The following TTLL5 variants were observed in gnomAD, a reference collection of about 807,000 sequenced individuals.
The protein encoded by TTLL5 is tubulin tyrosine ligase like 5, also known as tubulin polyglutamylase TTLL5.
Under a neutral mutation model 168.4 loss-of-function variants are expected in TTLL5, and 132 were observed. That is an observed-to-expected ratio of 0.78 (90% CI 0.68 to 0.91). The LOEUF (loss-of-function observed/expected upper bound fraction) is 0.91, where lower values mean the gene tolerates loss of function less well. Among genes scored for constraint, TTLL5 ranks in the 40% least tolerant of loss-of-function variants. TTLL5 has a pLI of 0.00. For missense variants in TTLL5, 1,545 were observed against 1,581.5 expected (o/e 0.98, Z 0.39); for synonymous variants, 546 against 558.6 (o/e 0.98, Z 0.32).
chr14:75,882,964 T>G lies in TTLL5; in HGVS notation c.3740+62T>G, dbSNP rs1338244586. The G allele has an allele frequency of 4.6e-6, 7 of 1,531,332 alleles. No homozygotes were observed. The East Asian group carries it at 1.6e-4, about 35-fold the overall frequency. The allele number at this position is 1,531,332 out of a possible 1,614,324, so 94.9% of individuals were successfully genotyped here. On this transcript the variant is annotated intron_variant, in intron 30 of 31. Coordinates refer to ENST00000298832, the MANE Select transcript of TTLL5 (RefSeq NM_015072.5). The stretch of plus-strand genomic sequence containing the variant: ...TCAGTTCTAAGCTAATAGTACTCTT[T>G]ATTTATTACTCTTCAAGACCGTTCG...
chr14:75,844,151 G>A (rs990054883), intron 28 of TTLL5, among the ~76,000 whole-genome samples: 1 of 152,056 alleles, frequency 6.6e-6, no homozygotes, highest in African/African-American at 2.4e-5. Context: ...AAAGTGCTGG[G>A]ATTACAGACG....
chr14:75,787,447 C>T (rs1255886045), intron 26 of TTLL5, among the ~76,000 whole-genome samples: 5 of 152,064 alleles, frequency 3.3e-5, no homozygotes, highest in Non-Finnish European at 4.4e-5. Flanking sequence ...TCAGTTCAGT[C>T]AAAAGTTAAA....
At chr14:75,836,286 G>A (rs979797054) in intron 28 of TTLL5, among the ~76,000 whole-genome samples, 1 of 152,056 alleles carries the variant, frequency 6.6e-6, no homozygotes, top group Admixed American at 6.6e-5. Flanking sequence ...GATAAGCCAG[G>A]CACAGAAAGA....
At chr14:75,836,847 A>G (rs545823656) in intron 28 of TTLL5, among the ~76,000 whole-genome samples, 4 of 152,206 alleles carry the variant, frequency 2.6e-5, no homozygotes, top group African/African-American at 9.6e-5. Flanking sequence ...CCAGTGATAG[A>G]CCATCATGAA....
intron 28 of TTLL5, among the ~76,000 whole-genome samples, chr14:75,851,789 G>A (rs1027927891): frequency 1.2e-4 from 18 of 152,142 alleles, no homozygotes; most frequent in Admixed American, 1.2e-3. Context: ...TTATCACCCA[G>A]GTGATCTCAC....
chr14:75,754,580 A>G (rs751884647), intron 18 of TTLL5, among the ~76,000 whole-genome samples: 36 of 152,226 alleles, frequency 2.4e-4, no homozygotes, highest in Non-Finnish European at 3.4e-4. Context: ...ATTAGCCAAA[A>G]TGAGGAAGTA....
rs572347539 is a variant in TTLL5, at chr14:75,706,584, A to G, written c.586-434A>G. 7.9e-5 allele frequency among the ~76,000 whole-genome samples: 12 copies of G among 152,310 alleles called. No homozygotes were observed. In the East Asian group the frequency reaches 1.9e-3, roughly 24 times the overall value. ...TCCATTGTGGATCTGTAAGTTCTCC[A>G]AACATGTTAATGAAAGCCTTCATTT... On this transcript the variant is annotated intron_variant, in intron 7 of 31. Transcript: ENST00000298832.
chr14:75,735,067 C>T (rs1888796524), intron 14 of TTLL5, 128 bp from the exon 15 acceptor site: 1 of 797,340 alleles, frequency 1.3e-6, no homozygotes, highest in Non-Finnish European at 2.1e-6. Context: ...GCATTATGCT[C>T]CTGAGGATAG....
At chr14:75,733,731 G>A (rs560461943) in intron 13 of TTLL5, among the ~76,000 whole-genome samples, 43 of 152,214 alleles carry the variant, frequency 2.8e-4, no homozygotes, top group Non-Finnish European at 4.6e-4. Context: ...AGACCTTCTG[G>A]TATAAAGAAA....
intron 31 of TTLL5, among the ~76,000 whole-genome samples, chr14:75,915,525 G>C (rs2033585457): frequency 6.6e-6 from 1 of 152,138 alleles, no homozygotes; most frequent in Admixed American, 6.5e-5. Context: ...ACCTGTGTGG[G>C]CCCTGTCACT....
At chr14:75,932,935 C>T (rs991504836) in intron 31 of TTLL5, among the ~76,000 whole-genome samples, 5 of 152,094 alleles carry the variant, frequency 3.3e-5, no homozygotes, top group Non-Finnish European at 7.4e-5. Context: ...CTTCAGTCAG[C>T]GAAGACTCCG....
At chr14:75,692,178 G>A (rs1476468224) in intron 6 of TTLL5, among the ~76,000 whole-genome samples, 1 of 152,166 alleles carries the variant, frequency 6.6e-6, no homozygotes, top group East Asian at 1.9e-4. Flanking sequence ...ACCTTATAAA[G>A]TTGTCAAGAT....
At chr14:75,772,271 A>G (rs1239036612) in intron 21 of TTLL5, among the ~76,000 whole-genome samples, 1 of 152,232 alleles carries the variant, frequency 6.6e-6, no homozygotes, top group Non-Finnish European at 1.5e-5. Context: ...AAAGACCTCG[A>G]GAAGCCAAGG....
chr14:75,686,271 A>G lies in TTLL5; in HGVS notation c.371+2615A>G, dbSNP rs995256243. Among the ~76,000 whole-genome samples, 6 of 152,272 alleles carry G rather than the reference A, an allele frequency of 3.9e-5. No individual in the cohort carries two copies. In the South Asian group the frequency reaches 8.3e-4, roughly 21 times the overall value. On this transcript the variant is annotated intron_variant, in intron 5 of 31. Coordinates refer to ENST00000298832, the MANE Select transcript of TTLL5 (RefSeq NM_015072.5). ...GTACACAAGAATGTACCCCTGATAT[A>G]ATAGTAATTATTACCCTGGTTTTAA...
At chr14:75,767,131 C>A (rs1430172518) in intron 20 of TTLL5, among the ~76,000 whole-genome samples, 2 of 149,644 alleles carry the variant, frequency 1.3e-5, no homozygotes, top group African/African-American at 5.0e-5. Flanking sequence ...CCATTGCACT[C>A]CAGCCTGGGC....
intron 31 of TTLL5, among the ~76,000 whole-genome samples, chr14:75,922,756 G>T (rs1021073129): frequency 3.9e-5 from 6 of 152,162 alleles, no homozygotes; most frequent in African/African-American, 1.4e-4. Flanking sequence ...AATGAGTTAG[G>T]GAGGTTTCCC....
At chr14:75,909,110 G>C (rs2033265144) in intron 31 of TTLL5, among the ~76,000 whole-genome samples, 1 of 151,668 alleles carries the variant, frequency 6.6e-6, no homozygotes, top group South Asian at 2.1e-4. Flanking sequence ...TGGCATTTGG[G>C]ATCCTTGCAG....
At chr14:75,724,854 A>G (rs545811379) in intron 12 of TTLL5, among the ~76,000 whole-genome samples, 1 of 152,330 alleles carries the variant, frequency 6.6e-6, no homozygotes, top group South Asian at 2.1e-4. Context: ...TGCTTAGGAA[A>G]TTGGCATTGT....
chr14:75,899,795 G>A (rs1273951505), intron 30 of TTLL5, among the ~76,000 whole-genome samples: 1 of 152,104 alleles, frequency 6.6e-6, no homozygotes, highest in Non-Finnish European at 1.5e-5. Context: ...GTTCCAGAGA[G>A]GAGAGGGAAA....
Sources: gnomAD v4.1 joint callset for allele counts (sites outside exome capture counted in the v4.1 genomes callset) on GRCh38, gnomAD v4.1.1 for gene constraint, MANE v1.5 for transcripts, NCBI Gene and HGNC (gene_info 2026-07-23, HGNC 2026-07-21) for gene names.